AP2B1: variants seen among roughly 807,000 people sequenced by gnomAD.
AP2B1 encodes the protein AP-2 complex subunit beta.
In AP2B1, 23 loss-of-function variants were observed where a neutral mutation model predicts 102.0. The ratio of observed to expected loss-of-function variants is 0.23; its 90% CI spans 0.16 to 0.32. The LOEUF is 0.32. Ranked by LOEUF, AP2B1 falls within the 10% of genes least tolerant of loss-of-function variation. The pLI is 1.00. For synonymous variants in AP2B1, 381 were observed against 421.2 expected (o/e 0.90, Z 1.17); for missense variants, 541 against 1,157.4 (o/e 0.47, Z 7.73).
intron 13 of AP2B1, among the ~76,000 whole-genome samples, chr17:35,652,099 T>G (rs1567906192): frequency 6.6e-6 from 1 of 152,226 alleles, no homozygotes; most frequent in Non-Finnish European, 1.5e-5. Context: ...ACATTTAAAC[T>G]GTCTAAAAAG....
intron 18 of AP2B1, among the ~76,000 whole-genome samples, chr17:35,701,607 G>T (rs1179089943): frequency 6.6e-6 from 1 of 152,126 alleles, no homozygotes; most frequent in Non-Finnish European, 1.5e-5. Context: ...TTTGGGACTT[G>T]TTTGTTCGTT....
Position 35,637,771 on chromosome 17 carries a change from T to A in AP2B1, c.1271+1315T>A, listed in dbSNP as rs573108575. 2.4e-3 allele frequency among the ~76,000 whole-genome samples: 357 copies of A among 150,338 alleles called. 3 individuals carry two copies. Among genetic ancestry groups the A allele is most frequent in the Non-Finnish European group, 2.5e-3 (172 of 67,534 alleles). ...CGTGATCTCAGCTCACTGCAACCTC[T>A]GCCTCCCGGGTTCAAACATTCTCCT... On this transcript the variant is annotated intron_variant, in intron 10 of 21. Coordinates refer to ENST00000610402, the MANE Select transcript of AP2B1 (RefSeq NM_001030006.2).
Position 35,642,427 on chromosome 17 carries a change from T to C in AP2B1, c.1536+452T>C, listed in dbSNP as rs868026291. ...TGCTGCTTCCTTGTATTATTTGATA[T>C]ATTTGGATCTCCTTGGAATTATTTG... On this transcript the variant is annotated intron_variant, in intron 12 of 21. Coordinates refer to ENST00000610402, the MANE Select transcript of AP2B1 (RefSeq NM_001030006.2). Among the ~76,000 whole-genome samples the C allele has an allele frequency of 2.0e-5, 3 of 152,324 alleles. No individual in the cohort carries two copies. In the South Asian group the frequency reaches 6.2e-4, roughly 32 times the overall value.
intron 9 of AP2B1, among the ~76,000 whole-genome samples, chr17:35,635,549 A>G (rs1371417226): frequency 6.6e-6 from 1 of 151,516 alleles, no homozygotes; most frequent in African/African-American, 2.4e-5. Flanking sequence ...ACGCCCGGCT[A>G]ATTTGTGTAT....
At chr17:35,714,607 G>A (rs1476498031) in intron 20 of AP2B1, among the ~76,000 whole-genome samples, 1 of 152,154 alleles carries the variant, frequency 6.6e-6, no homozygotes, top group Non-Finnish European at 1.5e-5. Context: ...CACTTTGGGA[G>A]CCTGAGGCAG....
intron 12 of AP2B1, among the ~76,000 whole-genome samples, chr17:35,647,823 C>T (rs142725641): frequency 1.3e-5 from 2 of 152,016 alleles, no homozygotes; most frequent in East Asian, 3.9e-4. Flanking sequence ...AATGGAAGCC[C>T]TCAGATTGTC....
chr17:35,597,111 C>T lies in AP2B1; in HGVS notation c.38-1119C>T, dbSNP rs1285457504. ...TCCGGGGCCACTGAGGCAGCAGTAG[C>T]GACCTCCGGAAGCGGAGACTGTCCC... On this transcript the variant is annotated intron_variant, in intron 2 of 21. Coordinates refer to ENST00000610402, the MANE Select transcript of AP2B1 (RefSeq NM_001030006.2). The T allele has an allele frequency of 5.7e-6, 3 of 524,358 alleles. 1 individual carries two copies. Among genetic ancestry groups the T allele is most frequent in the East Asian group, 8.2e-5 (2 of 24,316 alleles). 32.5% of individuals were successfully genotyped at this position (524,358 alleles called of 1,614,324 possible). A position where few individuals can be genotyped will look rare whatever the true frequency, so the allele number is the denominator to read the frequency against.
At chr17:35,669,539 G>A (rs16971271) in intron 14 of AP2B1, among the ~76,000 whole-genome samples, 3,675 of 152,242 alleles carry the variant, frequency 0.024, 136 homozygotes, top group East Asian at 0.19. Flanking sequence ...GTTAGCTCTG[G>A]TTTGGAATGC....
At chr17:35,639,184 T>C (rs1231300586) in intron 10 of AP2B1, among the ~76,000 whole-genome samples, 1 of 151,996 alleles carries the variant, frequency 6.6e-6, no homozygotes, top group East Asian at 1.9e-4. Context: ...TTTTTAAAAT[T>C]TAGCTGAGTG....
In AP2B1 at chr17:35,682,745, CA is replaced by C. The variant is rs1377857713; in HGVS notation, c.2378del (p.Asn793ThrfsTer17). 1 of 1,612,836 alleles carries C rather than the reference CA, an allele frequency of 6.2e-7. No homozygotes were observed. The highest frequency in any genetic ancestry group is 8.5e-7 in the Non-Finnish European group (1 of 1,179,196). On this transcript the variant is annotated frameshift_variant, in exon 18 of 22. Transcript: ENST00000610402. LOFTEE classifies it high-confidence loss of function. The part of the protein sequence containing the change: ...TPLAIHTPLM[P>X]NQSIDVSLPL... ...CTGGCCATCCATACACCACTGATGC[CA>C]AACCAGAGCATTGATGTCTCCCTGC...
intron 18 of AP2B1, among the ~76,000 whole-genome samples, chr17:35,689,681 A>G (rs910368929): frequency 1.3e-5 from 2 of 152,180 alleles, no homozygotes; most frequent in Non-Finnish European, 2.9e-5. Context: ...ACACTGTTTA[A>G]TATGATAGCC....
rs1016840331 is a variant in AP2B1 at position 35,724,544 on chromosome 17, A to G, written c.*845A>G. On this transcript the variant is annotated 3_prime_UTR_variant, in exon 22 of 22. Coordinates refer to ENST00000610402, the MANE Select transcript of AP2B1 (RefSeq NM_001030006.2). Reference sequence around the variant, plus strand: ...GTAGAGATGGGGAACAAGAACCCAGATGCTGTCCCCTCACCCCCTCTCCTG... The same window carrying G: ...GTAGAGATGGGGAACAAGAACCCAGGTGCTGTCCCCTCACCCCCTCTCCTG... 5 of 152,224 alleles carry G rather than the reference A, an allele frequency of 3.3e-5. No homozygotes were observed. The highest frequency in any genetic ancestry group is 5.9e-5 in the Non-Finnish European group (4 of 68,054). The allele number at this position is 152,224 out of a possible 1,614,324, so 9.4% of individuals were successfully genotyped here.
chr17:35,719,449 G>C (rs75635941), intron 21 of AP2B1, among the ~76,000 whole-genome samples: 1 of 151,726 alleles, frequency 6.6e-6, no homozygotes, highest in African/African-American at 2.4e-5. Context: ...TACTATAATT[G>C]TGTCATTTTT....
intron 5 of AP2B1, among the ~76,000 whole-genome samples, chr17:35,614,239 C>G (rs2073948450): frequency 6.6e-6 from 1 of 151,998 alleles, no homozygotes; most frequent in Non-Finnish European, 1.5e-5. Flanking sequence ...GCTCTGTCAC[C>G]CAGGCTGGTG....
At chr17:35,664,482 A>T (rs183663805) in intron 14 of AP2B1, among the ~76,000 whole-genome samples, 1 of 152,078 alleles carries the variant, frequency 6.6e-6, no homozygotes, top group Non-Finnish European at 1.5e-5. Flanking sequence ...TGATGCAGAT[A>T]TTGTGCTCTA....
chr17:35,705,911 A>C (rs1397161671), intron 18 of AP2B1, among the ~76,000 whole-genome samples: 1 of 152,140 alleles, frequency 6.6e-6, no homozygotes, highest in Non-Finnish European at 1.5e-5. Flanking sequence ...GTGCTGTGCA[A>C]ATATTAACTC....
At chr17:35,669,524 G>A (rs995590068) in intron 14 of AP2B1, among the ~76,000 whole-genome samples, 14 of 152,300 alleles carry the variant, frequency 9.2e-5, no homozygotes, top group Non-Finnish European at 5.9e-5. Flanking sequence ...TCAGATTCTG[G>A]AAATGTTAGC....
chr17:35,631,864 A>G (rs2074471877), intron 9 of AP2B1, among the ~76,000 whole-genome samples: 1 of 152,130 alleles, frequency 6.6e-6, no homozygotes. Context: ...CCTTTTTCCA[A>G]TATGTTATCT....
At chr17:35,666,261 A>C (rs1052844325) in intron 14 of AP2B1, among the ~76,000 whole-genome samples, 1 of 149,906 alleles carries the variant, frequency 6.7e-6, no homozygotes, top group African/African-American at 2.4e-5. Context: ...GTTACTGAAC[A>C]TTATTGTGCA....
Sources: allele counts gnomAD v4.1 joint callset (sites outside exome capture counted in the v4.1 genomes callset), GRCh38; gene constraint gnomAD v4.1.1; transcripts MANE v1.5; gene names NCBI Gene and HGNC (gene_info 2026-07-23, HGNC 2026-07-21).